Variants in ART1 observed in about 807,000 individuals in gnomAD.
The protein encoded by ART1 is ADP-ribosyltransferase 1.
A neutral mutation model predicts 27.0 loss-of-function variants in ART1; 29 were observed. That is an observed-to-expected ratio of 1.08 (90% CI 0.80 to 1.47). ART1 has a LOEUF of 1.47. ART1 is among the 40% of genes most tolerant of loss of function. The probability of loss-of-function intolerance (pLI) is 0.00; values close to 1 mark genes in which losing one functional copy is unlikely to be tolerated. For missense variants in ART1, 480 were observed against 423.0 expected (o/e 1.13, Z -1.18); for synonymous variants, 201 against 172.2 (o/e 1.17, Z -1.31).
chr11:3,651,151 T>G (rs56747444), intron 1 of ART1, among the ~76,000 whole-genome samples: 89,253 of 148,040 alleles, frequency 0.6, 28,226 homozygotes, highest in Admixed American at 0.79. Flanking sequence ...TATCCTCAAT[T>G]CCTCCCTCTA....
At chr11:3,646,630 A>C (rs1253886175) in intron 1 of ART1, among the ~76,000 whole-genome samples, 2 of 152,168 alleles carry the variant, frequency 1.3e-5, no homozygotes, top group African/African-American at 4.8e-5. Context: ...TGGCTTCATC[A>C]ATCAAGCAGC....
In ART1 at chr11:3,659,804, G is replaced by A; in HGVS notation, c.285G>A (p.Glu95=). ...QWQERQARWP[E]WSLSPTRPSP... The stretch of plus-strand genomic sequence containing the variant: ...AGGAGCGTCAGGCCAGGTGGCCAGA[G>A]TGGAGTCTCAGCCCCACCCGTCCAT... Residue 95 remains glutamate, a synonymous_variant, in exon 3 of 5, where the codon GAG becomes GAA. Transcript: ENST00000250693. 1 of 1,612,864 alleles carries A rather than the reference G, an allele frequency of 6.2e-7. No homozygotes were observed. The highest frequency in any genetic ancestry group is 1.1e-5 in the South Asian group (1 of 91,058).
chr11:3,659,315 C>G, intron 2 of ART1, 39 bp downstream of exon 2: 1 of 1,613,544 alleles, frequency 6.2e-7, no homozygotes, highest in South Asian at 1.1e-5. Context: ...CAGCAGGGAA[C>G]TGAGCCATCG....
chr11:3,645,672 C>G (rs2077465605), intron 1 of ART1, among the ~76,000 whole-genome samples: 1 of 152,190 alleles, frequency 6.6e-6, no homozygotes, highest in Non-Finnish European at 1.5e-5. Context: ...AGTCCCTGGC[C>G]TTGGCATACA....
At chr11:3,649,500 A>C (rs2077499813) in intron 1 of ART1, among the ~76,000 whole-genome samples, 1 of 152,100 alleles carries the variant, frequency 6.6e-6, no homozygotes, top group Non-Finnish European at 1.5e-5. Context: ...CTGTCCCCTC[A>C]GTCCCAACCC....
Position 3,659,188 on chromosome 11 carries a change from A to C in ART1, c.-26A>C. The stretch of plus-strand genomic sequence containing the variant: ...TGAGGAAACTGAGACCCAAAAAGAG[A>C]CAGCAACTGGCCCAGGGTCACCAGC... On this transcript the variant is annotated 5_prime_UTR_variant, in exon 2 of 5. Transcript: ENST00000250693. 6.2e-7 allele frequency: 1 copy of C among 1,613,340 alleles called. No homozygotes were observed. The highest frequency in any genetic ancestry group is 8.5e-7 in the Non-Finnish European group (1 of 1,179,386).
chr11:3,652,814 C>G (rs942327971), intron 1 of ART1, among the ~76,000 whole-genome samples: 1 of 151,224 alleles, frequency 6.6e-6, no homozygotes, highest in African/African-American at 2.5e-5. Context: ...CAAACTGCCA[C>G]TCTAAACTCT....
intron 1 of ART1, among the ~76,000 whole-genome samples, chr11:3,652,119 T>G (rs1196132846): frequency 6.6e-6 from 1 of 151,034 alleles, no homozygotes; most frequent in Non-Finnish European, 1.5e-5. Flanking sequence ...TCCCTACACA[T>G]CAAGCTCGAG....
Position 3,661,190 on chromosome 11 carries a change from C to T in ART1, c.845-182C>T, listed in dbSNP as rs1205048153. ...CTCTGATGGCCCACTCCCTTCTGGCCCTGCTGCTCATGGGTCGAGGCAAAC... is the reference window on the plus strand; with the variant it reads ...CTCTGATGGCCCACTCCCTTCTGGCTCTGCTGCTCATGGGTCGAGGCAAAC... On this transcript the variant is annotated intron_variant, in intron 3 of 4. Coordinates refer to ENST00000250693, the MANE Select transcript of ART1 (RefSeq NM_004314.3). Among the ~76,000 whole-genome samples, 3 of 152,092 alleles carry T rather than the reference C, an allele frequency of 2.0e-5. No individual in the cohort carries two copies. In the East Asian group the frequency reaches 5.8e-4, roughly 29 times the overall value.
chr11:3,660,302 C>T lies in ART1; in HGVS notation c.783C>T (p.Pro261=), dbSNP rs139469651. The change falls in exon 3 of 5, where the codon CCC becomes CCT. Residue 261 remains proline (P), a synonymous_variant. Transcript: ENST00000250693. ...VINASRLAQG[P]ARIYLRALGK... ...ATGCCAGCAGACTGGCCCAGGGCCC[C>T]GCCCGCATCTACCTCCGAGCCCTGG... 98 of 1,608,936 alleles carry T rather than the reference C, an allele frequency of 6.1e-5. No individual in the cohort carries two copies. The African/African-American group carries it at 8.1e-4, about 13-fold the overall frequency.
At chr11:3,659,484 C>T in intron 2 of ART1, 99 bp from the exon 3 acceptor site, 1 of 1,430,130 alleles carries the variant, frequency 7.0e-7, no homozygotes, top group Non-Finnish European at 9.4e-7. Context: ...GTGTTTGGGG[C>T]CCTTCCTGCC....
At chr11:3,647,150 C>A (rs999923516) in intron 1 of ART1, among the ~76,000 whole-genome samples, 1 of 151,924 alleles carries the variant, frequency 6.6e-6, no homozygotes, top group African/African-American at 2.4e-5. Context: ...GTGGAGAAAC[C>A]CCATTTCTAC....
intron 1 of ART1, among the ~76,000 whole-genome samples, chr11:3,658,797 G>T (rs1372689557): frequency 3.3e-5 from 5 of 152,034 alleles, no homozygotes; most frequent in Non-Finnish European, 7.4e-5. Context: ...TCTTCCCAAC[G>T]TTCCTACCCC....
At chr11:3,646,975 C>T (rs939303710) in intron 1 of ART1, among the ~76,000 whole-genome samples, 10 of 152,082 alleles carry the variant, frequency 6.6e-5, no homozygotes, top group Admixed American at 6.6e-5. Flanking sequence ...GGGTACATCT[C>T]ACATTAAATG....
At chr11:3,653,646 C>A (rs1424580958) in intron 1 of ART1, among the ~76,000 whole-genome samples, 4 of 152,130 alleles carry the variant, frequency 2.6e-5, no homozygotes, top group African/African-American at 9.7e-5. Flanking sequence ...AAAAGAGGAG[C>A]TTCGTATTTT....
intron 1 of ART1, among the ~76,000 whole-genome samples, chr11:3,653,522 T>A (rs1430381775): frequency 6.6e-6 from 1 of 151,846 alleles, no homozygotes; most frequent in Non-Finnish European, 1.5e-5. Context: ...GGACCCACCC[T>A]TATCTCCCTT....
rs766819862 is a variant in ART1, at chr11:3,659,224, C to T, written c.11C>T (p.Pro4Leu). The change falls in exon 2 of 5, where the codon CCT (proline) becomes CTT (leucine). Residue 4 changes from proline (P) to leucine (L), a missense_variant. Physicochemically the swap from Pro to Leu is moderately conservative, Grantham distance 98. Transcript: ENST00000250693. ...CCCAGGGTCACCAGCATGCAGATGCCTGCTATGATGTCTCTGCTTCTTGTG... is the reference window on the plus strand; with the variant it reads ...CCCAGGGTCACCAGCATGCAGATGCTTGCTATGATGTCTCTGCTTCTTGTG... Reference protein sequence around the residue: MQMPAMMSLLLVSV... With the variant: MQMLAMMSLLLVSV... 1 of 1,614,150 alleles carries T rather than the reference C, an allele frequency of 6.2e-7. No individual in the cohort carries two copies. Among genetic ancestry groups the T allele is most frequent in the Non-Finnish European group, 8.5e-7 (1 of 1,180,008 alleles).
At chr11:3,648,017 C>T (rs760319229) in intron 1 of ART1, among the ~76,000 whole-genome samples, 5 of 152,120 alleles carry the variant, frequency 3.3e-5, no homozygotes, top group Non-Finnish European at 7.4e-5. Flanking sequence ...TCCAGATGGC[C>T]GGTTCCTGCC....
At chr11:3,647,120 T>G (rs2077474514) in intron 1 of ART1, among the ~76,000 whole-genome samples, 1 of 151,974 alleles carries the variant, frequency 6.6e-6, no homozygotes, top group Non-Finnish European at 1.5e-5. Context: ...GGTCAGGAAT[T>G]TGAGACCAGC....
Sources: allele counts gnomAD v4.1 joint callset (sites outside exome capture counted in the v4.1 genomes callset), GRCh38; gene constraint gnomAD v4.1.1; transcripts MANE v1.5; gene names NCBI Gene and HGNC (gene_info 2026-07-23, HGNC 2026-07-21).